DLGAP2: variants seen among roughly 807,000 people sequenced by gnomAD.
DLGAP2 encodes the protein DLG associated protein 2.
Under a neutral mutation model 100.3 loss-of-function variants are expected in DLGAP2, and 26 were observed. The ratio of observed to expected loss-of-function variants is 0.26; its 90% CI spans 0.19 to 0.36. The LOEUF (loss-of-function observed/expected upper bound fraction) is 0.36, where lower values mean the gene tolerates loss of function less well. DLGAP2 is among the 10% of genes least tolerant of loss of function. The pLI, the probability that DLGAP2 is intolerant of heterozygous loss-of-function variation, is 1.00. For synonymous variants in DLGAP2, 886 were observed against 630.1 expected, an observed-to-expected ratio of 1.41 and a Z score of -6.08; for missense variants, 1,858 against 1,453.2, an observed-to-expected ratio of 1.28 and a Z score of -4.53.
At chr8:994,739 C>T (rs1563133560) in intron 2 of DLGAP2, among the ~76,000 whole-genome samples, 1 of 152,154 alleles carries the variant, frequency 6.6e-6, no homozygotes, top group African/African-American at 2.4e-5. Context: ...TGGAGAGAGC[C>T]TGAATAGTTA....
At chr8:1,277,291 C>T (rs1030974468) in intron 3 of DLGAP2, among the ~76,000 whole-genome samples, 6 of 152,152 alleles carry the variant, frequency 3.9e-5, no homozygotes, top group Non-Finnish European at 8.8e-5. Context: ...GTAGCCCCCC[C>T]AGTTATTTGG....
chr8:902,979 TG>T (rs1203734099), intron 1 of DLGAP2, among the ~76,000 whole-genome samples: 1 of 15,292 alleles, frequency 6.5e-5, no homozygotes, highest in Non-Finnish European at 1.2e-4. Context: ...TTCGGGTGGG[TG>T]GGGGCGGGGG....
chr8:781,763 C>T lies in DLGAP2; in HGVS notation c.18+43938C>T, dbSNP rs537656527. Among the ~76,000 whole-genome samples the T allele has an allele frequency of 4.6e-5, 7 of 152,276 alleles. No individual in the cohort carries two copies. The East Asian group carries it at 1.4e-3, about 29-fold the overall frequency. The stretch of plus-strand genomic sequence containing the variant: ...TGTCTAAGGGCCCATGTCATTGTTG[C>T]TATGGGAACTACAACTTCATTTCCT... On this transcript the variant is annotated intron_variant, in intron 1 of 14. Transcript: ENST00000637795.
intron 2 of DLGAP2, chr8:910,463 A>G (rs1798462674): frequency 6.6e-6 from 1 of 152,176 alleles, no homozygotes; most frequent in African/African-American, 2.4e-5. Context: ...GTTCTCAGAA[A>G]AGTGTGTTTG....
chr8:1,248,765 T>C (rs1798971807), intron 2 of DLGAP2: 1 of 152,632 alleles, frequency 6.6e-6, no homozygotes, highest in African/African-American at 2.4e-5. Context: ...AGGTTCACTG[T>C]GCGGAGAAAG....
At chr8:812,722 G>A (rs1335553812) in intron 1 of DLGAP2, among the ~76,000 whole-genome samples, 2 of 152,172 alleles carry the variant, frequency 1.3e-5, no homozygotes, top group Non-Finnish European at 2.9e-5. Context: ...TGATAAGGAC[G>A]GGGATAACAG....
chr8:1,324,125 G>A (rs570411319), intron 3 of DLGAP2, among the ~76,000 whole-genome samples: 10 of 152,198 alleles, frequency 6.6e-5, no homozygotes, highest in Non-Finnish European at 1.2e-4. Flanking sequence ...ATTGAAGGGG[G>A]AGGAAGACGA....
intron 5 of DLGAP2, among the ~76,000 whole-genome samples, chr8:1,550,010 A>G (rs188344737): frequency 1.3e-5 from 2 of 152,258 alleles, no homozygotes; most frequent in Non-Finnish European, 1.5e-5. Flanking sequence ...CCTTTGACCA[A>G]CATCTCCCAA....
chr8:1,120,310 C>A (rs775396196), intron 2 of DLGAP2, among the ~76,000 whole-genome samples: 35 of 152,182 alleles, frequency 2.3e-4, no homozygotes, highest in Admixed American at 3.9e-4. Context: ...CATTAGGCAT[C>A]TTCGTTCCAG....
At chr8:809,710 G>T (rs1160183564) in intron 1 of DLGAP2, among the ~76,000 whole-genome samples, 1 of 152,176 alleles carries the variant, frequency 6.6e-6, no homozygotes, top group Non-Finnish European at 1.5e-5. Flanking sequence ...CCTTTGAGAT[G>T]AGTGTTTGGC....
At chr8:1,572,324 G>T (rs1412052650) in intron 6 of DLGAP2, among the ~76,000 whole-genome samples, 2 of 128,924 alleles carry the variant, frequency 1.6e-5, no homozygotes, top group Non-Finnish European at 1.6e-5. Context: ...GGAGAAAGGA[G>T]TGAACTGTGG....
At chr8:839,851 C>T (rs368757893) in intron 1 of DLGAP2, among the ~76,000 whole-genome samples, 86 of 152,346 alleles carry the variant, frequency 5.6e-4, no homozygotes, top group African/African-American at 1.9e-3. Context: ...TTTTGATCCA[C>T]GGCCTCTTCT....
chr8:853,636 C>T (rs988704886), intron 1 of DLGAP2, among the ~76,000 whole-genome samples: 10 of 152,224 alleles, frequency 6.6e-5, no homozygotes, highest in Non-Finnish European at 1.2e-4. Flanking sequence ...GCCAGCCTCG[C>T]AAGCAGCCGT....
chr8:1,632,869 G>C lies in DLGAP2; in HGVS notation c.1633G>C (p.Glu545Gln). The C allele has an allele frequency of 6.2e-7, 1 of 1,613,782 alleles. No homozygotes were observed. Among genetic ancestry groups the C allele is most frequent in the Non-Finnish European group, 8.5e-7 (1 of 1,179,762 alleles). The change falls in exon 8 of 15, where the codon GAG becomes CAG. Residue 545 changes from glutamate to glutamine, a missense_variant. Transcript: ENST00000637795. ...CAATGGGCAATTCGAGTCCGTGTGC[G>C]AGTCCGTCTTCAGTGAAGTTGAATC... Reference protein sequence around the residue: ...EINGQFESVCESVFSEVESQA... With the variant: ...EINGQFESVCQSVFSEVESQA...
chr8:1,155,582 T>A (rs1034073546), intron 2 of DLGAP2, among the ~76,000 whole-genome samples: 3 of 150,498 alleles, frequency 2.0e-5, no homozygotes, highest in Non-Finnish European at 4.4e-5. Context: ...GCTCGCAGGT[T>A]GCAGGGTAGC....
chr8:1,459,387 T>G (rs1249477564), intron 3 of DLGAP2, among the ~76,000 whole-genome samples: 1 of 152,238 alleles, frequency 6.6e-6, no homozygotes, highest in Non-Finnish European at 1.5e-5. Context: ...TGTTAATATT[T>G]TAAGCGCCAC....
chr8:1,435,125 T>C lies in DLGAP2; in HGVS notation c.107-66241T>C, dbSNP rs114906703. Reference sequence around the variant, plus strand: ...TTCCAACCTACTCGGGCCTACTGTGTCCTCTTGTATTTTGTGAACAAGCAC... The same window carrying C: ...TTCCAACCTACTCGGGCCTACTGTGCCCTCTTGTATTTTGTGAACAAGCAC... On this transcript the variant is annotated intron_variant, in intron 3 of 14. Coordinates refer to ENST00000637795, the MANE Select transcript of DLGAP2 (RefSeq NM_001346810.2). Among the ~76,000 whole-genome samples, 184 of 152,340 alleles carry C rather than the reference T, an allele frequency of 1.2e-3. 1 individual carries two copies. The highest frequency in any genetic ancestry group is 4.2e-3 in the African/African-American group (173 of 41,576).
chr8:1,431,504 A>G (rs1797437898), intron 3 of DLGAP2, among the ~76,000 whole-genome samples: 1 of 152,214 alleles, frequency 6.6e-6, no homozygotes, highest in South Asian at 2.1e-4. Context: ...AGAAGAAGAG[A>G]AAGGAGAAAG....
chr8:884,643 C>A (rs1009567168), intron 1 of DLGAP2, among the ~76,000 whole-genome samples: 1 of 151,524 alleles, frequency 6.6e-6, no homozygotes, highest in African/African-American at 2.4e-5. Context: ...TAATTAGATC[C>A]CATTTGCCAA....
Sources: gnomAD v4.1 joint callset for allele counts (sites outside exome capture counted in the v4.1 genomes callset) on GRCh38, gnomAD v4.1.1 for gene constraint, MANE v1.5 for transcripts, NCBI Gene and HGNC (gene_info 2026-07-23, HGNC 2026-07-21) for gene names.